AFF3: variants seen among roughly 807,000 people sequenced by gnomAD.
AFF3 encodes the protein AF4/FMR2 family member 3.
AFF3 carries 32 observed loss-of-function variants against 129.7 expected under a neutral mutation model. That is an observed-to-expected ratio of 0.25 (90% CI 0.19 to 0.33). The LOEUF (loss-of-function observed/expected upper bound fraction) is 0.33. Ranked by LOEUF, AFF3 falls within the 10% of genes least tolerant of loss-of-function variation. The probability of loss-of-function intolerance (pLI) is 1.00; values close to 1 mark genes in which losing one functional copy is unlikely to be tolerated. For missense variants in AFF3, 1,373 were observed against 1,592.0 expected (o/e 0.86, Z 2.34); for synonymous variants, 644 against 635.4 (o/e 1.01, Z -0.20).
intron 7 of AFF3, among the ~76,000 whole-genome samples, chr2:99,912,747 ATT>A (rs1312102962): frequency 6.6e-6 from 1 of 152,232 alleles, no homozygotes. Context: ...CTGTTTCTCT[ATT>A]AGGGATTGAT....
chr2:99,554,766 C>G, intron 22 of AFF3, 34 bp from the exon 23 acceptor site: 1 of 1,613,308 alleles, frequency 6.2e-7, no homozygotes. Flanking sequence ...CAGTGAGTGC[C>G]ATCTGCGTGA....
At chr2:99,781,190 C>T (rs1479240723) in intron 8 of AFF3, among the ~76,000 whole-genome samples, 2 of 152,154 alleles carry the variant, frequency 1.3e-5, no homozygotes, top group African/African-American at 2.4e-5. Flanking sequence ...CCACCCTTCT[C>T]CATGTCAGCA....
chr2:99,576,433 G>A (rs1199026203), intron 18 of AFF3, among the ~76,000 whole-genome samples: 1 of 149,282 alleles, frequency 6.7e-6, no homozygotes, highest in African/African-American at 2.5e-5. Context: ...AGAAGATAGC[G>A]TAAGCCCAGG....
At chr2:99,596,570 GCA>G (rs149925996) in intron 14 of AFF3, among the ~76,000 whole-genome samples, 3 of 151,744 alleles carry the variant, frequency 2.0e-5, no homozygotes, top group East Asian at 1.9e-4. Flanking sequence ...TTGGAAGAGG[GCA>G]CACACACACA....
At chr2:99,883,066 G>A (rs1358678135) in intron 7 of AFF3, among the ~76,000 whole-genome samples, 2 of 152,216 alleles carry the variant, frequency 1.3e-5, no homozygotes, top group East Asian at 1.9e-4. Context: ...TTCATCCACA[G>A]TTTAGGAAGA....
chr2:99,566,896 TC>T (rs1351130845), intron 19 of AFF3, among the ~76,000 whole-genome samples: 1 of 151,938 alleles, frequency 6.6e-6, no homozygotes, highest in African/African-American at 2.4e-5. Flanking sequence ...GAGCAAAACT[TC>T]CTCTCCTTAG....
intron 4 of AFF3, among the ~76,000 whole-genome samples, chr2:100,045,102 G>C (rs1685726994): frequency 6.6e-6 from 1 of 152,060 alleles, no homozygotes; most frequent in Non-Finnish European, 1.5e-5. Flanking sequence ...GCTGTGGCTG[G>C]TCAGGAAGAG....
Position 99,613,047 on chromosome 2 carries a change from CA to C in AFF3, c.1185-11427del, listed in dbSNP as rs1681082741. Among the ~76,000 whole-genome samples the C allele has an allele frequency of 5.3e-5, 8 of 152,214 alleles. No homozygotes were observed. In the Middle Eastern group the frequency reaches 0.01, roughly 194 times the overall value. Reference sequence around the variant, plus strand: ...TTCAAAATTCTCATTTTCTTTTCACCAATAAAACACATGACACCATTTTCAA... The same window carrying C: ...TTCAAAATTCTCATTTTCTTTTCACCATAAAACACATGACACCATTTTCAA... On this transcript the variant is annotated intron_variant, in intron 13 of 24. Transcript: ENST00000672756.
intron 13 of AFF3, among the ~76,000 whole-genome samples, chr2:99,622,331 G>C (rs1682103534): frequency 6.6e-6 from 1 of 152,186 alleles, no homozygotes; most frequent in African/African-American, 2.4e-5. Flanking sequence ...CAACCCATGA[G>C]AGGCAAATTA....
chr2:100,029,647 T>C (rs747120095), intron 4 of AFF3, among the ~76,000 whole-genome samples: 1 of 152,156 alleles, frequency 6.6e-6, no homozygotes, highest in South Asian at 2.1e-4. Context: ...GGACGGCCAC[T>C]AGGGGATGCA....
chr2:100,020,822 G>A lies in AFF3; in HGVS notation c.54-11890C>T, dbSNP rs572009865. On this transcript the variant is annotated intron_variant, in intron 4 of 24. Transcript: ENST00000672756. ...CAGAGCCTCCTAAAATGTATCTCCC[G>A]GCTGCTCTTCCTACCCCAGCCCATT... Among the ~76,000 whole-genome samples, 12 of 152,210 alleles carry A rather than the reference G, an allele frequency of 7.9e-5. No homozygotes were observed. The South Asian group carries it at 8.3e-4, about 11-fold the overall frequency.
At chr2:99,673,428 C>T (rs148921667) in intron 11 of AFF3, among the ~76,000 whole-genome samples, 2 of 152,334 alleles carry the variant, frequency 1.3e-5, no homozygotes, top group Admixed American at 6.5e-5. Context: ...AAAAAAGAAA[C>T]AGAACTTCAG....
chr2:99,703,985 A>G (rs1194667655), intron 11 of AFF3, among the ~76,000 whole-genome samples: 4 of 152,216 alleles, frequency 2.6e-5, no homozygotes, highest in African/African-American at 9.6e-5. Context: ...ATCACAGCTT[A>G]CTGGTGTCAA....
chr2:100,083,614 G>A (rs529977235), intron 4 of AFF3, among the ~76,000 whole-genome samples: 1 of 152,200 alleles, frequency 6.6e-6, no homozygotes, highest in Non-Finnish European at 1.5e-5. Context: ...AATGGAAAAC[G>A]GCTGCTGCCA....
intron 8 of AFF3, among the ~76,000 whole-genome samples, chr2:99,771,090 A>G (rs1001155911): frequency 2.6e-5 from 4 of 152,212 alleles, no homozygotes; most frequent in Admixed American, 6.5e-5. Context: ...AAAAAGGAAC[A>G]AGATCACGTC....
chr2:99,670,535 CTG>C (rs34684988), intron 12 of AFF3, among the ~76,000 whole-genome samples: 85,282 of 149,944 alleles, frequency 0.57, 24,434 homozygotes, highest in African/African-American at 0.69. Context: ...GTGTATGTGT[CTG>C]TGTGTGTGTG....
rs1278118428 is a variant in AFF3 at position 99,546,102 on chromosome 2, T to C, written c.*5372A>G. The C allele has an allele frequency of 1.3e-5, 3 of 227,888 alleles. No homozygotes were observed. Among genetic ancestry groups the C allele is most frequent in the Non-Finnish European group, 2.6e-5 (3 of 114,782 alleles). The allele number at this position is 227,888 out of a possible 1,614,324, so 14.1% of individuals were successfully genotyped here. ...GTGCAGTTTATGTGGTCAGGTTGTT[T>C]TTCCCCTTTCATTAAAAAAACTTTC... On this transcript the variant is annotated 3_prime_UTR_variant, in exon 25 of 25. Coordinates refer to ENST00000672756, the MANE Select transcript of AFF3 (RefSeq NM_001386135.1).
chr2:99,558,551 C>T lies in AFF3; in HGVS notation c.3285+324G>A, dbSNP rs974703440. Among the ~76,000 whole-genome samples, 7 of 151,960 alleles carry T rather than the reference C, an allele frequency of 4.6e-5. No individual in the cohort carries two copies. In the East Asian group the frequency reaches 7.7e-4, roughly 17 times the overall value. On this transcript the variant is annotated intron_variant, in intron 22 of 24. Coordinates refer to ENST00000672756, the MANE Select transcript of AFF3 (RefSeq NM_001386135.1). The stretch of plus-strand genomic sequence containing the variant: ...AGGAGAATTGCTTGAACCCAGGAGG[C>T]GGAGGTTGCAGTGAGCCGAGATCGC...
intron 8 of AFF3, among the ~76,000 whole-genome samples, chr2:99,793,680 C>T (rs1685364706): frequency 6.6e-6 from 1 of 152,070 alleles, no homozygotes; most frequent in Admixed American, 6.5e-5. Flanking sequence ...GTTGTTTAGC[C>T]CACTTAGAAC....
Sources: allele counts gnomAD v4.1 joint callset (sites outside exome capture counted in the v4.1 genomes callset), GRCh38; gene constraint gnomAD v4.1.1; transcripts MANE v1.5; gene names NCBI Gene and HGNC (gene_info 2026-07-23, HGNC 2026-07-21).